The following NCKAP5 variants were observed in gnomAD, a reference collection of about 807,000 sequenced individuals.
NCKAP5 encodes nck-associated protein 5.
In NCKAP5, 92 loss-of-function variants were observed where a neutral mutation model predicts 167.0. That is an observed-to-expected ratio of 0.55 (90% CI 0.47 to 0.66). NCKAP5 has a LOEUF of 0.66. NCKAP5 is among the 30% of genes least tolerant of loss of function. The pLI is 0.00. For synonymous variants in NCKAP5, 891 were observed against 877.4 expected, an observed-to-expected ratio of 1.02 and a Z score of -0.27; for missense variants, 2,378 against 2,315.0, an observed-to-expected ratio of 1.03 and a Z score of -0.56.
At chr2:133,147,493 G>A (rs1268262154) in intron 5 of NCKAP5, among the ~76,000 whole-genome samples, 1 of 152,130 alleles carries the variant, frequency 6.6e-6, no homozygotes, top group East Asian at 1.9e-4. Flanking sequence ...GCTCCAGAAG[G>A]TATAAAATTG....
Position 133,292,644 on chromosome 2 carries a change from T to C in NCKAP5, c.143+10393A>G, listed in dbSNP as rs1026437001. ...TTCTCTGGGTGACCCCCAAATCGTA[T>C]TGATGTTGGGATATTTTTTGGTACT... On this transcript the variant is annotated intron_variant, in intron 4 of 19. Transcript: ENST00000409261. Among the ~76,000 whole-genome samples the C allele has an allele frequency of 4.6e-5, 7 of 152,182 alleles. No homozygotes were observed. In the South Asian group the frequency reaches 1.0e-3, roughly 23 times the overall value.
intron 9 of NCKAP5, among the ~76,000 whole-genome samples, chr2:132,872,428 A>G (rs1690897488): frequency 6.6e-6 from 1 of 152,156 alleles, no homozygotes; most frequent in African/African-American, 2.4e-5. Context: ...ACTCTCTTGG[A>G]AGTGGGCGAG....
chr2:132,735,579 T>C (rs1006402970), intron 16 of NCKAP5, among the ~76,000 whole-genome samples: 5 of 152,308 alleles, frequency 3.3e-5, no homozygotes, highest in Admixed American at 3.3e-4. Flanking sequence ...GGTATTTCTT[T>C]ATAGCAATGT....
At chr2:132,886,060 T>A (rs971566151) in intron 8 of NCKAP5, among the ~76,000 whole-genome samples, 2 of 152,212 alleles carry the variant, frequency 1.3e-5, no homozygotes, top group Non-Finnish European at 2.9e-5. Context: ...TTTGCTGCTC[T>A]AGCATGGAAC....
chr2:133,207,551 T>C (rs1346548947), intron 5 of NCKAP5, among the ~76,000 whole-genome samples: 3 of 151,990 alleles, frequency 2.0e-5, no homozygotes, highest in Non-Finnish European at 2.9e-5. Context: ...CTTGGAAAAA[T>C]TGCTGATTCT....
At chr2:132,714,776 G>C (rs991846370) in intron 19 of NCKAP5, 7 of 428,756 alleles carry the variant, frequency 1.6e-5, no homozygotes. Flanking sequence ...TCATGCCACT[G>C]CACTCCAGTC....
the NCKAP5 span, among the ~76,000 whole-genome samples, chr2:133,612,196 C>T: frequency 6.6e-6 from 1 of 152,096 alleles, no homozygotes; most frequent in Admixed American, 6.6e-5. Context: ...AACCAGAAAA[C>T]ACCAAAAAGA....
chr2:133,606,165 T>G, the NCKAP5 span, among the ~76,000 whole-genome samples: 1 of 152,212 alleles, frequency 6.6e-6, no homozygotes, highest in Non-Finnish European at 1.5e-5. Flanking sequence ...CAGAATTTCT[T>G]AAGAAAACTA....
At chr2:132,991,836 G>A (rs1430193531) in intron 7 of NCKAP5, among the ~76,000 whole-genome samples, 1 of 152,150 alleles carries the variant, frequency 6.6e-6, no homozygotes, top group Non-Finnish European at 1.5e-5. Context: ...TGCCTGAAAC[G>A]CAGAATTTGG....
At chr2:133,305,138 A>C (rs571997414) in intron 3 of NCKAP5, among the ~76,000 whole-genome samples, 28 of 152,302 alleles carry the variant, frequency 1.8e-4, no homozygotes, top group African/African-American at 6.3e-4. Flanking sequence ...ATGAAGTTGG[A>C]CAGTTAGGCA....
intron 7 of NCKAP5, among the ~76,000 whole-genome samples, chr2:132,980,564 T>C (rs1354753587): frequency 6.6e-6 from 1 of 152,180 alleles, no homozygotes; most frequent in Non-Finnish European, 1.5e-5. Context: ...TGACTCACTG[T>C]ATGACCTGAA....
chr2:133,045,285 T>A (rs1313317489), intron 6 of NCKAP5, among the ~76,000 whole-genome samples: 1 of 152,034 alleles, frequency 6.6e-6, no homozygotes, highest in Non-Finnish European at 1.5e-5. Flanking sequence ...ATACATACAG[T>A]ATGTTATCAG....
intron 3 of NCKAP5, among the ~76,000 whole-genome samples, chr2:133,485,008 G>T (rs191426072): frequency 6.6e-6 from 1 of 152,076 alleles, no homozygotes; most frequent in Non-Finnish European, 1.5e-5. Flanking sequence ...ATCTGCAAAC[G>T]AAAGAAGTCA....
chr2:133,625,481 G>T, the NCKAP5 span, among the ~76,000 whole-genome samples: 1 of 152,076 alleles, frequency 6.6e-6, no homozygotes, highest in East Asian at 1.9e-4. Context: ...TACATGGGGG[G>T]CCTGGGCCAT....
At chr2:133,347,111 T>C (rs916037031) in intron 3 of NCKAP5, among the ~76,000 whole-genome samples, 1 of 152,212 alleles carries the variant, frequency 6.6e-6, no homozygotes. Flanking sequence ...GCTATGTACA[T>C]AGAGATAAGG....
rs140126084 is a variant in NCKAP5, at chr2:133,471,586, A to C, written c.69+45872T>G. ...TCTCAAGCTGTGGGTTGGTTGGGGT[A>C]TATATACTTAGAAAGACACTGCCTT... On this transcript the variant is annotated intron_variant, in intron 3 of 19. Coordinates refer to ENST00000409261, the MANE Select transcript of NCKAP5 (RefSeq NM_207363.3). Among the ~76,000 whole-genome samples the C allele has an allele frequency of 6.8e-4, 103 of 152,276 alleles. 1 individual carries two copies. In the East Asian group the frequency reaches 0.02, roughly 29 times the overall value.
At chr2:133,088,828 C>T (rs2081079934) in intron 6 of NCKAP5, among the ~76,000 whole-genome samples, 1 of 152,120 alleles carries the variant, frequency 6.6e-6, no homozygotes, top group Non-Finnish European at 1.5e-5. Flanking sequence ...TAAGCAGAAG[C>T]TCGCACCTAC....
Position 133,203,695 on chromosome 2 carries a change from TGTCG to T in NCKAP5, c.207+10017_207+10020del, listed in dbSNP as rs199512106. 6.0e-3 allele frequency among the ~76,000 whole-genome samples: 920 copies of T among 152,246 alleles called. 16 individuals are homozygous for T. Among genetic ancestry groups the T allele is most frequent in the Admixed American group, 0.017 (254 of 15,272 alleles). On this transcript the variant is annotated intron_variant, in intron 5 of 19. Transcript: ENST00000409261. ...AGGGAGGAATTTACCTAAATCTAAG[TGTCG>T]GCAGTCCTGGAGTCAGCAGGGGTTA...
the NCKAP5 span, among the ~76,000 whole-genome samples, chr2:133,591,002 T>A: frequency 2.0e-5 from 3 of 152,118 alleles, no homozygotes; most frequent in African/African-American, 7.2e-5. Flanking sequence ...GCACGGGTTG[T>A]GTGTTTGTGT....
Sources: gnomAD v4.1 joint callset for allele counts (sites outside exome capture counted in the v4.1 genomes callset) on GRCh38, gnomAD v4.1.1 for gene constraint, MANE v1.5 for transcripts, NCBI Gene and HGNC (gene_info 2026-07-23, HGNC 2026-07-21) for gene names.